LY6L: variants seen among roughly 807,000 people sequenced by gnomAD.
LY6L encodes lymphocyte antigen 6L.
LY6L carries 8 observed loss-of-function variants against 8.3 expected under a neutral mutation model. The observed-to-expected ratio is 0.97, with a 90% confidence interval of 0.57 to 1.74. LY6L has a LOEUF of 1.74. Ranked by LOEUF, LY6L falls within the 40% of genes most tolerant of loss-of-function variation. The probability of loss-of-function intolerance (pLI) is 0.00; values close to 1 mark genes in which losing one functional copy is unlikely to be tolerated. For synonymous variants in LY6L, 79 were observed against 77.9 expected, an observed-to-expected ratio of 1.01 and a Z score of -0.07; for missense variants, 156 against 183.8, an observed-to-expected ratio of 0.85 and a Z score of 0.87.
chr8:143,082,124 T>G (rs1309068859), intron 3 of LY6L, among the ~76,000 whole-genome samples: 5 of 152,118 alleles, frequency 3.3e-5, no homozygotes, highest in Admixed American at 3.3e-4. Context: ...CCGGCAGGGG[T>G]GGTCCAGGCT....
chr8:143,081,058 A>G lies in LY6L; in HGVS notation c.5A>G (p.Glu2Gly). 1 of 1,534,040 alleles carries G rather than the reference A, an allele frequency of 6.5e-7. No individual in the cohort carries two copies. The highest frequency in any genetic ancestry group is 8.7e-7 in the Non-Finnish European group (1 of 1,145,670). The change falls in exon 2 of 4, where the codon GAG becomes GGG. Residue 2 changes from glutamate (E) to glycine (G), a missense_variant. By Grantham distance (98) the Glu-to-Gly change is moderately conservative (BLOSUM62 -2). Coordinates refer to ENST00000562505, the MANE Select transcript of LY6L (RefSeq NM_001368160.2). MERLVLTLCTLP... is the reference protein window; with the variant it reads MGRLVLTLCTLP... ...CAGGCTGAGCCTTCTGGCGTCATGG[A>G]GAGGCTCGTCCTAACCCTGTGCACC...
chr8:143,082,585 G>T lies in LY6L; in HGVS notation c.351G>T (p.Gly117=). The part of the protein sequence containing the change: ...LCNRALTPQE[G]RWALRGGLLL... ...ACAGGGCACTGACCCCACAGGAGGG[G>T]CGCTGGGCCCTGCGAGGGGGGCTCC... is the stretch of plus-strand genomic sequence containing the variant. Residue 117 remains glycine (G), a synonymous_variant, in exon 4 of 4, where the codon GGG becomes GGT. Coordinates refer to ENST00000562505, the MANE Select transcript of LY6L (RefSeq NM_001368160.2). 4 of 1,530,724 alleles carry T rather than the reference G, an allele frequency of 2.6e-6. No individual in the cohort carries two copies. The highest frequency in any genetic ancestry group is 8.7e-7 in the Non-Finnish European group (1 of 1,142,868). 94.8% of individuals were successfully genotyped at this position (1,530,724 alleles called of 1,614,324 possible).
intron 3 of LY6L, 54 bp downstream of exon 3, chr8:143,081,381 C>A: frequency 8.5e-7 from 1 of 1,179,622 alleles, no homozygotes; most frequent in African/African-American, 1.5e-5. Flanking sequence ...AGGGCCGGTG[C>A]CCCCGCCTCT....
At position 143,081,423 on chromosome 8, in the gene LY6L, A is replaced by G. The variant is rs567796908; in HGVS notation, c.190+96A>G. ...CTTAGCTATGAGTCCTCGGCGCTCC[A>G]GGGCCTGGGGCCCTGTGGGTCCGAA... On this transcript the variant is annotated intron_variant, in intron 3 of 3. Coordinates refer to ENST00000562505, the MANE Select transcript of LY6L (RefSeq NM_001368160.2). 1.0e-4 allele frequency: 80 copies of G among 770,736 alleles called. 2 individuals carry two copies. The South Asian group carries it at 1.5e-3, about 14-fold the overall frequency. 47.7% of individuals were successfully genotyped at this position (770,736 alleles called of 1,614,324 possible).
intron 2 of LY6L, 28 bp downstream of exon 2, chr8:143,081,154 G>A: frequency 1.3e-6 from 2 of 1,532,658 alleles, no homozygotes; most frequent in Admixed American, 2.0e-5. Flanking sequence ...CTGGGCTGGG[G>A]GCGTCGGGGC....
chr8:143,081,182 G>T, intron 2 of LY6L, 29 bp from the exon 3 acceptor site: 1 of 1,525,530 alleles, frequency 6.6e-7, no homozygotes, highest in Non-Finnish European at 8.8e-7. Context: ...GCGGACGCTG[G>T]TCCACAGCGC....
intron 3 of LY6L, among the ~76,000 whole-genome samples, chr8:143,082,109 C>CG (rs1175947467): frequency 2.6e-5 from 4 of 152,346 alleles, no homozygotes; most frequent in Non-Finnish European, 5.9e-5. Flanking sequence ...GCACATGCCC[C>CG]GGGGCCGGCA....
chr8:143,081,813 C>T lies in LY6L; in HGVS notation c.190+486C>T, dbSNP rs146278980. Reference sequence around the variant, plus strand: ...TGTAATATAATGCTACATAATACAACATAATATAATAAAATAGAATGCAAC... The same window carrying T: ...TGTAATATAATGCTACATAATACAATATAATATAATAAAATAGAATGCAAC... On this transcript the variant is annotated intron_variant, in intron 3 of 3. Transcript: ENST00000562505. Among the ~76,000 whole-genome samples, 481 of 152,222 alleles carry T rather than the reference C, an allele frequency of 3.2e-3. 1 individual carries two copies. Among genetic ancestry groups the T allele is most frequent in the African/African-American group, 0.011 (465 of 41,532 alleles).
chr8:143,081,191 G>T lies in LY6L; in HGVS notation c.74-20G>T. ...GGAGCTGCGGACGCTGGTCCACAGC[G>T]CCCCGCTTGCTGCCCACAGCTCGCA... On this transcript the variant is annotated intron_variant, in intron 2 of 3. Coordinates refer to ENST00000562505, the MANE Select transcript of LY6L (RefSeq NM_001368160.2). 1 of 1,526,288 alleles carries T rather than the reference G, an allele frequency of 6.6e-7. No individual in the cohort carries two copies. The highest frequency in any genetic ancestry group is 1.2e-5 in the South Asian group (1 of 83,488). 94.5% of individuals were successfully genotyped at this position (1,526,288 alleles called of 1,614,324 possible). A position where few individuals can be genotyped will look rare whatever the true frequency, so the allele number is the denominator to read the frequency against.
At position 143,082,504 on chromosome 8, in the gene LY6L, G is replaced by C; in HGVS notation, c.270G>C (p.Pro90=). The change falls in exon 4 of 4, where the codon CCG becomes CCC. Residue 90 remains proline (P), a synonymous_variant. Transcript: ENST00000562505. ...ACAACATGAAGTTCGAATGGTCGCC[G>C]GCCCCCATGGTGCAAGGCGTGATCA... ...PNDNMKFEWS[P]APMVQGVITR... The C allele has an allele frequency of 6.5e-7, 1 of 1,535,442 alleles. No homozygotes were observed. The highest frequency in any genetic ancestry group is 8.7e-7 in the Non-Finnish European group (1 of 1,146,702).
chr8:143,081,932 T>C (rs2130541109), intron 3 of LY6L, among the ~76,000 whole-genome samples: 1 of 152,348 alleles, frequency 6.6e-6, no homozygotes. Context: ...GTGCATCTCT[T>C]CAGGGGTTCC....
chr8:143,081,185 C>T (rs530345819), intron 2 of LY6L, 26 bp from the exon 3 acceptor site: 1 of 1,526,010 alleles, frequency 6.6e-7, no homozygotes, highest in South Asian at 1.2e-5. Flanking sequence ...GACGCTGGTC[C>T]ACAGCGCCCC....
In LY6L at chr8:143,081,142, G is replaced by A. The variant is rs1168852791; in HGVS notation, c.73+16G>A. 5 of 1,533,776 alleles carry A rather than the reference G, an allele frequency of 3.3e-6. No individual in the cohort carries two copies. Among genetic ancestry groups the A allele is most frequent in the Non-Finnish European group, 4.4e-6 (5 of 1,145,644 alleles). On this transcript the variant is annotated intron_variant, in intron 2 of 3. Transcript: ENST00000562505. ...ACGACGCCAGGTAAGGCGCGGCCCG[G>A]GCTGGGCTGGGGGCGTCGGGGCTGG... is the stretch of plus-strand genomic sequence containing the variant.
At position 143,082,421 on chromosome 8, in the gene LY6L, G is replaced by A; in HGVS notation, c.191-4G>A. 6.5e-7 allele frequency: 1 copy of A among 1,527,080 alleles called. No homozygotes were observed. The highest frequency in any genetic ancestry group is 8.8e-7 in the Non-Finnish European group (1 of 1,139,828). 94.6% of individuals were successfully genotyped at this position (1,527,080 alleles called of 1,614,324 possible). A position where few individuals can be genotyped will look rare whatever the true frequency, so the allele number is the denominator to read the frequency against. On this transcript the variant is annotated splice_polypyrimidine_tract_variant and splice_region_variant and intron_variant, in intron 3 of 3. Transcript: ENST00000562505. Reference sequence around the variant, plus strand: ...GGGCCACCTGCCTCTCCTCTTTTCTGCAGAATGGAGTGTACGCGTCCTGCT... The same window carrying A: ...GGGCCACCTGCCTCTCCTCTTTTCTACAGAATGGAGTGTACGCGTCCTGCT...
In LY6L at chr8:143,082,991, GGTGAT is replaced by G; in HGVS notation, c.*342_*346del. The G allele has an allele frequency of 3.6e-6, 1 of 279,310 alleles. No homozygotes were observed. Among genetic ancestry groups the G allele is most frequent in the African/African-American group, 2.7e-5 (1 of 37,166 alleles). 17.3% of individuals were successfully genotyped at this position (279,310 alleles called of 1,614,324 possible). On this transcript the variant is annotated 3_prime_UTR_variant, in exon 4 of 4. Transcript: ENST00000562505. ...TGGGAAGGACGGTGCCTCTGGTGTG[GGTGAT>G]GGGATGGACGGTGCCTCTGGTGTGG... is the stretch of plus-strand genomic sequence containing the variant.
intron 3 of LY6L, among the ~76,000 whole-genome samples, chr8:143,082,151 G>A (rs1365856619): frequency 6.6e-6 from 1 of 152,224 alleles, no homozygotes; most frequent in Non-Finnish European, 1.5e-5. Context: ...GGCTTCGGGA[G>A]AAGGCCCCTT....
Position 143,082,585 on chromosome 8 carries a change from G to A in LY6L, c.351G>A (p.Gly117=). ...LCNRALTPQE[G]RWALRGGLLL... The stretch of plus-strand genomic sequence containing the variant: ...ACAGGGCACTGACCCCACAGGAGGG[G>A]CGCTGGGCCCTGCGAGGGGGGCTCC... Residue 117 remains glycine, a synonymous_variant, in exon 4 of 4, where the codon GGG becomes GGA. Transcript: ENST00000562505. 2 of 1,530,724 alleles carry A rather than the reference G, an allele frequency of 1.3e-6. No homozygotes were observed. The highest frequency in any genetic ancestry group is 1.7e-6 in the Non-Finnish European group (2 of 1,142,868). 94.8% of individuals were successfully genotyped at this position (1,530,724 alleles called of 1,614,324 possible).
chr8:143,081,941 C>A lies in LY6L; in HGVS notation c.191-484C>A, dbSNP rs184717146. Among the ~76,000 whole-genome samples the A allele has an allele frequency of 2.8e-3, 421 of 152,330 alleles. 1 individual carries two copies. Among genetic ancestry groups the A allele is most frequent in the African/African-American group, 9.8e-3 (406 of 41,570 alleles). On this transcript the variant is annotated intron_variant, in intron 3 of 3. Coordinates refer to ENST00000562505, the MANE Select transcript of LY6L (RefSeq NM_001368160.2). ...GATGCTGTGCATCTCTTCAGGGGTT[C>A]CATGGTTGTTGACAGACACGTCCGT...
intron 3 of LY6L, 104 bp downstream of exon 3, chr8:143,081,431 G>C (rs1008958052): frequency 2.9e-6 from 2 of 684,372 alleles, no homozygotes; most frequent in African/African-American, 1.9e-5. Context: ...CCAGGGCCTG[G>C]GGCCCTGTGG....
Sources: allele counts gnomAD v4.1 joint callset (sites outside exome capture counted in the v4.1 genomes callset), GRCh38; gene constraint gnomAD v4.1.1; transcripts MANE v1.5; gene names NCBI Gene and HGNC (gene_info 2026-07-23, HGNC 2026-07-21).